DLGAP2: variants seen among roughly 807,000 people sequenced by gnomAD.
DLGAP2 encodes the protein DLG associated protein 2, also known as disks large-associated protein 2.
DLGAP2 carries 26 observed loss-of-function variants against 100.3 expected under a neutral mutation model. That is an observed-to-expected ratio of 0.26 (90% CI 0.19 to 0.36). The LOEUF (loss-of-function observed/expected upper bound fraction) is 0.36. DLGAP2 is among the 10% of genes least tolerant of loss of function. The pLI, the probability that DLGAP2 is intolerant of heterozygous loss-of-function variation, is 1.00. For missense variants in DLGAP2, 1,858 were observed against 1,453.2 expected (o/e 1.28, Z -4.53); for synonymous variants, 886 against 630.1 (o/e 1.41, Z -6.08).
At chr8:1,041,666 C>T (rs1485166229) in intron 2 of DLGAP2, among the ~76,000 whole-genome samples, 3 of 66,364 alleles carry the variant, frequency 4.5e-5, no homozygotes, top group African/African-American at 6.9e-5. Flanking sequence ...GAGTGTTCTC[C>T]GAGCCCCTTG....
At chr8:919,720 G>A (rs1798669196) in intron 2 of DLGAP2, among the ~76,000 whole-genome samples, 1 of 152,100 alleles carries the variant, frequency 6.6e-6, no homozygotes, top group African/African-American at 2.4e-5. Flanking sequence ...GCCTGCATGG[G>A]GTGTGAGCTG....
At chr8:1,060,732 C>T (rs1803055832) in intron 2 of DLGAP2, among the ~76,000 whole-genome samples, 2 of 152,178 alleles carry the variant, frequency 1.3e-5, no homozygotes, top group African/African-American at 4.8e-5. Context: ...AATGACTGCC[C>T]CACATTTCAG....
At chr8:1,113,276 C>G (rs927309556) in intron 2 of DLGAP2, among the ~76,000 whole-genome samples, 3 of 152,082 alleles carry the variant, frequency 2.0e-5, no homozygotes, top group Non-Finnish European at 4.4e-5. Flanking sequence ...AGCAATGAAT[C>G]TATAAATTGC....
chr8:1,053,467 C>A (rs1291951803), intron 2 of DLGAP2, among the ~76,000 whole-genome samples: 4 of 152,052 alleles, frequency 2.6e-5, no homozygotes, highest in African/African-American at 9.7e-5. Context: ...CAGTCAGCTC[C>A]GTCATCCCAG....
At chr8:751,618 G>T (rs930966792) in intron 1 of DLGAP2, among the ~76,000 whole-genome samples, 4 of 88,164 alleles carry the variant, frequency 4.5e-5, no homozygotes, top group African/African-American at 1.2e-4. Context: ...ACACTTTATA[G>T]TAAGTCCTTA....
chr8:1,560,273 C>A (rs902527065), intron 5 of DLGAP2, among the ~76,000 whole-genome samples: 1 of 152,176 alleles, frequency 6.6e-6, no homozygotes, highest in Non-Finnish European at 1.5e-5. Context: ...AATTGCTTTT[C>A]CCCCTCATGA....
intron 3 of DLGAP2, among the ~76,000 whole-genome samples, chr8:1,460,417 C>T (rs1413768315): frequency 6.6e-6 from 1 of 152,176 alleles, no homozygotes; most frequent in African/African-American, 2.4e-5. Context: ...CAGCTGATTT[C>T]GTGTCGTCCT....
chr8:1,166,985 A>T (rs1322025929), intron 2 of DLGAP2, among the ~76,000 whole-genome samples: 1 of 152,058 alleles, frequency 6.6e-6, no homozygotes, highest in East Asian at 1.9e-4. Context: ...TTTTACAAAA[A>T]CTTATCTGGG....
intron 2 of DLGAP2, among the ~76,000 whole-genome samples, chr8:1,164,193 TTCTGTGAGCCCCCAGGGCCCGTCATTTTG>T (rs1312540041): frequency 2.5e-4 from 30 of 119,788 alleles, no homozygotes; most frequent in African/African-American, 9.4e-4. Flanking sequence ...GTGGGGATTT[TTCTGTGAGCCCCCAGGGCCCGTCATTTTG>T]GTTTGTGGGG....
At chr8:1,047,351 TC>T (rs1319910175) in intron 2 of DLGAP2, among the ~76,000 whole-genome samples, 1 of 152,252 alleles carries the variant, frequency 6.6e-6, no homozygotes, top group Non-Finnish European at 1.5e-5. Context: ...ACGAAGTCTT[TC>T]GGATTTTGGA....
At chr8:1,598,355 G>T (rs897762889) in intron 6 of DLGAP2, among the ~76,000 whole-genome samples, 1 of 152,190 alleles carries the variant, frequency 6.6e-6, no homozygotes, top group African/African-American at 2.4e-5. Flanking sequence ...CCAGGTTGTG[G>T]TATCAGGATG....
chr8:941,190 C>T (rs1284493101), intron 2 of DLGAP2, among the ~76,000 whole-genome samples: 2 of 152,066 alleles, frequency 1.3e-5, no homozygotes, highest in Non-Finnish European at 2.9e-5. Context: ...TGGAACTGGT[C>T]ACCTGATCTC....
Position 1,374,801 on chromosome 8 carries a change from C to T in DLGAP2, c.106+115918C>T, listed in dbSNP as rs73528852. Among the ~76,000 whole-genome samples the T allele has an allele frequency of 3.2e-3, 494 of 152,236 alleles. 3 individuals are homozygous for T. The highest frequency in any genetic ancestry group is 0.011 in the African/African-American group (462 of 41,546). On this transcript the variant is annotated intron_variant, in intron 3 of 14. Coordinates refer to ENST00000637795, the MANE Select transcript of DLGAP2 (RefSeq NM_001346810.2). ...GGCACCTAACGTCAAGGCTTCAGTC[C>T]GAATCGGTCCAAGCAGAGGCCACTC...
intron 3 of DLGAP2, among the ~76,000 whole-genome samples, chr8:1,423,612 G>A (rs1269602177): frequency 6.6e-6 from 1 of 152,238 alleles, no homozygotes; most frequent in Admixed American, 6.5e-5. Context: ...GTTGGGAGCA[G>A]AGGCTGCTGG....
chr8:1,323,032 A>T (rs1426884477), intron 3 of DLGAP2, among the ~76,000 whole-genome samples: 3 of 142,452 alleles, frequency 2.1e-5, no homozygotes, highest in Non-Finnish European at 3.1e-5. Context: ...TAAACTCACA[A>T]TTTTTTTTTT....
In DLGAP2 at chr8:1,163,660, G is replaced by A. The variant is rs972164455; in HGVS notation, c.74-95191G>A. ...GGCTGCAGGCGGCCGCCTGGGGAGGGCCGGGGATCGAGAAAACGCTTCAGG... is the reference window on the plus strand; with the variant it reads ...GGCTGCAGGCGGCCGCCTGGGGAGGACCGGGGATCGAGAAAACGCTTCAGG... On this transcript the variant is annotated intron_variant, in intron 2 of 14. Transcript: ENST00000637795. Among the ~76,000 whole-genome samples the A allele has an allele frequency of 5.9e-5, 9 of 152,324 alleles. No homozygotes were observed. In the East Asian group the frequency reaches 1.5e-3, roughly 26 times the overall value.
chr8:1,042,014 C>G (rs1802369166), intron 2 of DLGAP2, among the ~76,000 whole-genome samples: 1 of 152,190 alleles, frequency 6.6e-6, no homozygotes, highest in Non-Finnish European at 1.5e-5. Flanking sequence ...TCTGTGTCCC[C>G]TAGATGGAGC....
At chr8:1,354,399 G>A (rs974088260) in intron 3 of DLGAP2, among the ~76,000 whole-genome samples, 2 of 152,166 alleles carry the variant, frequency 1.3e-5, no homozygotes, top group Non-Finnish European at 2.9e-5. Flanking sequence ...TGTAGTCCCA[G>A]CTACTCGGGA....
intron 6 of DLGAP2, among the ~76,000 whole-genome samples, chr8:1,616,299 A>G (rs1797151494): frequency 6.6e-6 from 1 of 152,200 alleles, no homozygotes; most frequent in Non-Finnish European, 1.5e-5. Flanking sequence ...TTAGAGAACC[A>G]GGGAGAAAAC....
Sources: allele counts gnomAD v4.1 joint callset (sites outside exome capture counted in the v4.1 genomes callset), GRCh38; gene constraint gnomAD v4.1.1; transcripts MANE v1.5; gene names NCBI Gene and HGNC (gene_info 2026-07-23, HGNC 2026-07-21).